Variants in NDUFV3 observed in about 807,000 individuals in gnomAD.
NDUFV3 encodes NADH dehydrogenase [ubiquinone] flavoprotein 3, mitochondrial.
NDUFV3 carries 44 observed loss-of-function variants against 37.5 expected under a neutral mutation model. The ratio of observed to expected loss-of-function variants is 1.17; its 90% CI spans 0.92 to 1.51. The LOEUF (loss-of-function observed/expected upper bound fraction) is 1.51, where lower values mean the gene tolerates loss of function less well. Ranked by LOEUF, NDUFV3 falls within the 40% of genes most tolerant of loss-of-function variation. The pLI is 0.00. For missense variants in NDUFV3, 580 were observed against 580.4 expected (o/e 1.00, Z 0.01); for synonymous variants, 235 against 239.3 (o/e 0.98, Z 0.17).
chr21:42,905,350 G>A (rs1374059799), intron 3 of NDUFV3, among the ~76,000 whole-genome samples: 1 of 152,206 alleles, frequency 6.6e-6, no homozygotes, highest in East Asian at 1.9e-4. Context: ...CCTGTGCACA[G>A]GGCAGATTCA....
At chr21:42,898,008 A>G (rs2058701774) in intron 2 of NDUFV3, among the ~76,000 whole-genome samples, 1 of 152,246 alleles carries the variant, frequency 6.6e-6, no homozygotes, top group African/African-American at 2.4e-5. Flanking sequence ...GGGTTGTAGA[A>G]TAGTAATTGA....
At chr21:42,901,946 C>T (rs551043110) in intron 2 of NDUFV3, among the ~76,000 whole-genome samples, 7 of 152,224 alleles carry the variant, frequency 4.6e-5, no homozygotes, top group Admixed American at 3.9e-4. Context: ...CGGTGGCTCA[C>T]GCCTGTAATC....
Position 42,912,050 on chromosome 21 carries a change from GACTA to G in NDUFV3, c.*3032_*3035del, listed in dbSNP as rs1194163355. On this transcript the variant is annotated 3_prime_UTR_variant, in exon 4 of 4. Transcript: ENST00000354250. ...GAGGTTGGGAGTTTGAGACCAGCCTGACTAACATGGTGAAACCCCCTCTCTACTA... is the reference window on the plus strand; with the variant it reads ...GAGGTTGGGAGTTTGAGACCAGCCTGACATGGTGAAACCCCCTCTCTACTA... 6.6e-6 allele frequency: 1 copy of G among 151,920 alleles called. No individual in the cohort carries two copies. The highest frequency in any genetic ancestry group is 1.5e-5 in the Non-Finnish European group (1 of 67,948). The allele number at this position is 151,920 out of a possible 1,614,324, so 9.4% of individuals were successfully genotyped here.
chr21:42,905,170 A>G (rs945123648), intron 3 of NDUFV3, among the ~76,000 whole-genome samples: 8 of 152,200 alleles, frequency 5.3e-5, no homozygotes, highest in African/African-American at 1.9e-4. Context: ...CTGGCAGCTT[A>G]ACATTGTCAC....
intron 3 of NDUFV3, among the ~76,000 whole-genome samples, chr21:42,908,658 C>T (rs1339725935): frequency 6.8e-6 from 1 of 147,882 alleles, no homozygotes; most frequent in African/African-American, 2.5e-5. Context: ...TGAGCCGAGT[C>T]ATTCATAAAG....
chr21:42,908,975 T>C lies in NDUFV3; in HGVS notation c.1376T>C (p.Phe459Ser), dbSNP rs1314440127. 7 of 1,613,844 alleles carry C rather than the reference T, an allele frequency of 4.3e-6. No individual in the cohort carries two copies. Among genetic ancestry groups the C allele is most frequent in the Non-Finnish European group, 5.9e-6 (7 of 1,179,976 alleles). ...FLDLNLELSK[F>S]RMPQPSSGRE... is the part of the protein sequence containing the mutation. ...GACCTCAACCTCGAACTCTCAAAAT[T>C]CAGGATGCCTCAGCCCTCCTCAGGC... The change falls in exon 4 of 4, where the codon TTC becomes TCC. Residue 459 changes from phenylalanine to serine, a missense_variant. Coordinates refer to ENST00000354250, the MANE Select transcript of NDUFV3 (RefSeq NM_021075.4).
At position 42,910,500 on chromosome 21, in the gene NDUFV3, T is replaced by G. The variant is rs892808598; in HGVS notation, c.*1479T>G. 6.6e-6 allele frequency: 1 copy of G among 152,544 alleles called. No individual in the cohort carries two copies. The highest frequency in any genetic ancestry group is 2.4e-5 in the African/African-American group (1 of 41,432). 9.4% of individuals were successfully genotyped at this position (152,544 alleles called of 1,614,324 possible). ...TCGGAAGAGGTGAAGTTTCTTGCAGTACAGGGACGAAGTAGGAAGAGGTGA... is the reference window on the plus strand; with the variant it reads ...TCGGAAGAGGTGAAGTTTCTTGCAGGACAGGGACGAAGTAGGAAGAGGTGA... On this transcript the variant is annotated 3_prime_UTR_variant, in exon 4 of 4. Transcript: ENST00000354250.
chr21:42,908,804 G>T, intron 3 of NDUFV3, 60 bp from the exon 4 acceptor site: 1 of 1,598,038 alleles, frequency 6.3e-7, no homozygotes, highest in Admixed American at 1.7e-5. Flanking sequence ...TGTGTGAGCC[G>T]AGTCATTCAT....
At chr21:42,897,620 G>T (rs193005578) in intron 2 of NDUFV3, among the ~76,000 whole-genome samples, 1 of 152,226 alleles carries the variant, frequency 6.6e-6, no homozygotes, top group East Asian at 1.9e-4. Flanking sequence ...TTATCCACCC[G>T]CCTCGGCCTC....
chr21:42,909,135 C>G lies in NDUFV3; in HGVS notation c.*114C>G. 1.3e-6 allele frequency: 1 copy of G among 789,158 alleles called. No individual in the cohort carries two copies. The highest frequency in any genetic ancestry group is 3.3e-5 in the East Asian group (1 of 30,034). 48.9% of individuals were successfully genotyped at this position (789,158 alleles called of 1,614,324 possible). ...CTGTGCATAATCGGTTTCACTTTTA[C>G]CTTTTTTTTTTTTTTTTTTTTTTTG... On this transcript the variant is annotated 3_prime_UTR_variant, in exon 4 of 4. Coordinates refer to ENST00000354250, the MANE Select transcript of NDUFV3 (RefSeq NM_021075.4).
chr21:42,901,705 A>G (rs577628976), intron 2 of NDUFV3, among the ~76,000 whole-genome samples: 1 of 152,226 alleles, frequency 6.6e-6, no homozygotes, highest in East Asian at 1.9e-4. Context: ...CCCAGTCCTC[A>G]ACAACCCAGG....
In NDUFV3 at chr21:42,897,035, A is replaced by G; in HGVS notation, c.157A>G (p.Ser53Gly). ...KGQPQNSKKQ[S>G]PPKNVVEPKE... Reference sequence around the variant, plus strand: ...TCAGCCACAGAATTCCAAGAAGCAAAGTCCACCAAAAAGTAAGATTTTGAT... The same window carrying G: ...TCAGCCACAGAATTCCAAGAAGCAAGGTCCACCAAAAAGTAAGATTTTGAT... Residue 53 changes from serine (S) to glycine (G), a missense_variant, in exon 2 of 4, where the codon AGT (serine) becomes GGT (glycine). Transcript: ENST00000354250. The G allele has an allele frequency of 6.2e-7, 1 of 1,614,088 alleles. No individual in the cohort carries two copies.
At chr21:42,896,306 G>A (rs1024133159) in intron 1 of NDUFV3, among the ~76,000 whole-genome samples, 2 of 151,684 alleles carry the variant, frequency 1.3e-5, no homozygotes, top group African/African-American at 4.8e-5. Context: ...ACAGGCACCC[G>A]CCACCATGCC....
At position 42,909,101 on chromosome 21, in the gene NDUFV3, C is replaced by A; in HGVS notation, c.*80C>A. 1.5e-6 allele frequency: 2 copies of A among 1,339,806 alleles called. No individual in the cohort carries two copies. The highest frequency in any genetic ancestry group is 2.1e-6 in the Non-Finnish European group (2 of 947,500). The allele number at this position is 1,339,806 out of a possible 1,614,324, so 83.0% of individuals were successfully genotyped here. On this transcript the variant is annotated 3_prime_UTR_variant, in exon 4 of 4. Coordinates refer to ENST00000354250, the MANE Select transcript of NDUFV3 (RefSeq NM_021075.4). ...AAAAATAAAATCCACTCAAGAGTCA[C>A]AAGGCCCGCTGTGCATAATCGGTTT...
At chr21:42,906,718 C>A in intron 3 of NDUFV3, 1 of 364,258 alleles carries the variant, frequency 2.7e-6, no homozygotes, top group Non-Finnish European at 5.4e-6. Flanking sequence ...TCTCACTAGG[C>A]AGTCCGTGCC....
rs1332493112 is a variant in NDUFV3 at position 42,910,617 on chromosome 21, A to T, written c.*1596A>T. Reference sequence around the variant, plus strand: ...GAAGAGGTGAAGTTTCGTGCGGTGCAGGGACGGAGTAGGAAGAGGTGAAGT... The same window carrying T: ...GAAGAGGTGAAGTTTCGTGCGGTGCTGGGACGGAGTAGGAAGAGGTGAAGT... On this transcript the variant is annotated 3_prime_UTR_variant, in exon 4 of 4. Transcript: ENST00000354250. 6.1e-6 allele frequency: 1 copy of T among 164,620 alleles called. No individual in the cohort carries two copies. Among genetic ancestry groups the T allele is most frequent in the Non-Finnish European group, 1.3e-5 (1 of 74,232 alleles). 10.2% of individuals were successfully genotyped at this position (164,620 alleles called of 1,614,324 possible). A position where few individuals can be genotyped will look rare whatever the true frequency, so the allele number is the denominator to read the frequency against.
rs573852515 is a variant in NDUFV3, at chr21:42,912,899, A to G, written c.*3878A>G. The stretch of plus-strand genomic sequence containing the variant: ...AGAGCAAGACTCCGTCTCAAAAAAA[A>G]AAAACAAAAAAAAAATTAGCCGGGC... On this transcript the variant is annotated 3_prime_UTR_variant, in exon 4 of 4. Transcript: ENST00000354250. 6.8e-6 allele frequency: 1 copy of G among 146,918 alleles called. No homozygotes were observed. The highest frequency in any genetic ancestry group is 2.5e-5 in the African/African-American group (1 of 39,480). The allele number at this position is 146,918 out of a possible 1,614,324, so 9.1% of individuals were successfully genotyped here.
At chr21:42,905,314 G>A (rs1201922606) in intron 3 of NDUFV3, among the ~76,000 whole-genome samples, 2 of 152,162 alleles carry the variant, frequency 1.3e-5, no homozygotes, top group African/African-American at 4.8e-5. Context: ...GAGTCTTTGG[G>A]TAAACTAGAT....
At position 42,904,160 on chromosome 21, in the gene NDUFV3, T is replaced by C. The variant is rs2058731260; in HGVS notation, c.1148T>C (p.Val383Ala). The C allele has an allele frequency of 3.1e-6, 5 of 1,614,222 alleles. No individual in the cohort carries two copies. The highest frequency in any genetic ancestry group is 1.6e-4 in the Middle Eastern group (1 of 6,062). ...ATACCACCAAGCAATTTGGAGACAG[T>C]TCCTGTTGAGAATAACCACGGTTTC... Reference protein sequence around the residue: ...DQIPPSNLETVPVENNHGFHE... With the variant: ...DQIPPSNLETAPVENNHGFHE... Residue 383 changes from valine (V) to alanine (A), a missense_variant, in exon 3 of 4, where the codon GTT (valine) becomes GCT (alanine). Coordinates refer to ENST00000354250, the MANE Select transcript of NDUFV3 (RefSeq NM_021075.4).
Sources: gnomAD v4.1 joint callset for allele counts (sites outside exome capture counted in the v4.1 genomes callset) on GRCh38, gnomAD v4.1.1 for gene constraint, MANE v1.5 for transcripts, NCBI Gene and HGNC (gene_info 2026-07-23, HGNC 2026-07-21) for gene names.